The following TYW5 variants were observed in gnomAD, a reference collection of about 807,000 sequenced individuals.
TYW5 encodes tRNA wybutosine-synthesizing protein 5.
In TYW5, 36 loss-of-function variants were observed where a neutral mutation model predicts 44.4. That is an observed-to-expected ratio of 0.81 (90% CI 0.62 to 1.07). TYW5 has a LOEUF of 1.07. Ranked by LOEUF, TYW5 falls within the 50% of genes least tolerant of loss-of-function variation. TYW5 has a pLI of 0.00. For missense variants in TYW5, 354 were observed against 365.7 expected, an observed-to-expected ratio of 0.97 and a Z score of 0.26; for synonymous variants, 121 against 128.1, an observed-to-expected ratio of 0.94 and a Z score of 0.37.
At chr2:199,939,165 T>G (rs1242723511) in intron 4 of TYW5, 95 bp from the exon 5 acceptor site, 3 of 1,136,936 alleles carry the variant, frequency 2.6e-6, no homozygotes, top group Non-Finnish European at 3.6e-6. Flanking sequence ...TTTAAAATAC[T>G]ATGATGTGAC....
Position 199,938,915 on chromosome 2 carries a change from C to T in TYW5, c.486+18G>A, listed in dbSNP as rs765886042. 1.6e-5 allele frequency: 25 copies of T among 1,571,874 alleles called. No homozygotes were observed. Among genetic ancestry groups the T allele is most frequent in the Non-Finnish European group, 2.1e-5 (24 of 1,163,432 alleles). On this transcript the variant is annotated intron_variant, in intron 5 of 7. Coordinates refer to ENST00000354611, the MANE Select transcript of TYW5 (RefSeq NM_001039693.3). ...AAAGATCTATTGTAGCTTTAAATTTCTCATTTATGTAGCATACATCATAAT... is the reference window on the plus strand; with the variant it reads ...AAAGATCTATTGTAGCTTTAAATTTTTCATTTATGTAGCATACATCATAAT...
chr2:199,949,111 AC>A (rs1409779998), intron 1 of TYW5, among the ~76,000 whole-genome samples: 1 of 151,994 alleles, frequency 6.6e-6, no homozygotes, highest in African/African-American at 2.4e-5. Context: ...TAATCCCAAC[AC>A]TTTGGGAGGC....
At chr2:199,938,107 C>G (rs1397535684) in intron 5 of TYW5, among the ~76,000 whole-genome samples, 2 of 151,838 alleles carry the variant, frequency 1.3e-5, no homozygotes, top group Non-Finnish European at 1.5e-5. Flanking sequence ...TTCTGTCGCC[C>G]AGGCTGGAGT....
At chr2:199,938,127 C>G (rs1198130304) in intron 5 of TYW5, among the ~76,000 whole-genome samples, 1 of 151,158 alleles carries the variant, frequency 6.6e-6, no homozygotes, top group African/African-American at 2.4e-5. Context: ...TGCAACGGTG[C>G]GATCTCGGCT....
intron 1 of TYW5, among the ~76,000 whole-genome samples, chr2:199,949,787 C>T (rs1369282942): frequency 6.6e-6 from 1 of 152,122 alleles, no homozygotes; most frequent in East Asian, 1.9e-4. Context: ...TTCTAAACTC[C>T]ATCATTTCTT....
chr2:199,953,528 T>C (rs1027102895), intron 1 of TYW5, among the ~76,000 whole-genome samples: 1 of 152,196 alleles, frequency 6.6e-6, no homozygotes, highest in African/African-American at 2.4e-5. Context: ...AAAAGTCATT[T>C]TGTGCCTTAT....
chr2:199,938,472 CA>C (rs1197263252), intron 5 of TYW5, among the ~76,000 whole-genome samples: 1 of 152,160 alleles, frequency 6.6e-6, no homozygotes, highest in Admixed American at 6.5e-5. Context: ...CAAATTCTTA[CA>C]ATTGGTAATG....
chr2:199,948,609 A>C (rs987709047), intron 1 of TYW5, 137 bp from the exon 2 acceptor site: 1 of 764,366 alleles, frequency 1.3e-6, no homozygotes, highest in African/African-American at 1.8e-5. Flanking sequence ...AGCTTCTGAC[A>C]GTTCATGCTG....
chr2:199,939,208 C>T (rs192918495), intron 4 of TYW5, 138 bp from the exon 5 acceptor site: 32,693 of 703,586 alleles, frequency 0.046, 1,055 homozygotes, highest in Non-Finnish European at 0.06. Context: ...CTCTCTCTAT[C>T]TTTCTCTCTC....
At chr2:199,955,238 C>G (rs556497129) in intron 1 of TYW5, 155 bp downstream of exon 1, 3 of 777,780 alleles carry the variant, frequency 3.9e-6, no homozygotes, top group South Asian at 3.9e-5. Flanking sequence ...CCCCGTGCAC[C>G]TTTCCCTTGG....
At chr2:199,935,719 AACACACACACAC>A (rs142361195) in intron 7 of TYW5, among the ~76,000 whole-genome samples, 200 bp downstream of exon 7, 69,532 of 137,974 alleles carry the variant, frequency 0.5, 17,675 homozygotes, top group African/African-American at 0.61. Flanking sequence ...GCCTGCTTTA[AACACACACACAC>A]ACACACACAC....
intron 1 of TYW5, among the ~76,000 whole-genome samples, chr2:199,952,646 G>A (rs1485218988): frequency 6.6e-6 from 1 of 152,038 alleles, no homozygotes; most frequent in Non-Finnish European, 1.5e-5. Context: ...AGTGTTTCTG[G>A]CATACAAATG....
chr2:199,934,274 T>A (rs2077402351), intron 7 of TYW5, among the ~76,000 whole-genome samples: 1 of 152,056 alleles, frequency 6.6e-6, no homozygotes, highest in Non-Finnish European at 1.5e-5. Flanking sequence ...AAGAAAATGC[T>A]AACCATTCAG....
chr2:199,941,686 A>G (rs2077465825), intron 3 of TYW5, among the ~76,000 whole-genome samples: 1 of 152,222 alleles, frequency 6.6e-6, no homozygotes, highest in South Asian at 2.1e-4. Flanking sequence ...CAAGATTTAA[A>G]AAATAAAATT....
chr2:199,948,451 C>A lies in TYW5; in HGVS notation c.100G>T (p.Gly34Trp). 1 of 1,614,026 alleles carries A rather than the reference C, an allele frequency of 6.2e-7. No individual in the cohort carries two copies. The highest frequency in any genetic ancestry group is 1.1e-5 in the South Asian group (1 of 91,060). Residue 34 changes from glycine (G) to tryptophan (W), a missense_variant, in exon 2 of 8, where the codon GGG (glycine) becomes TGG (tryptophan). By Grantham distance (184) the Gly-to-Trp change is radical. Coordinates refer to ENST00000354611, the MANE Select transcript of TYW5 (RefSeq NM_001039693.3). ...CTTGTACATGGCCCCAAATCAATCCCTTCCAACACAAGAGGTTTTCTCTGT... is the reference window on the plus strand; with the variant it reads ...CTTGTACATGGCCCCAAATCAATCCATTCCAACACAAGAGGTTTTCTCTGT... ...YPQRKPLVLEGIDLGPCTSKW... is the reference protein window; with the variant it reads ...YPQRKPLVLEWIDLGPCTSKW...
chr2:199,951,485 AAT>A (rs1158112294), intron 1 of TYW5, among the ~76,000 whole-genome samples: 1 of 152,190 alleles, frequency 6.6e-6, no homozygotes, highest in African/African-American at 2.4e-5. Context: ...ATGACTTTAG[AAT>A]GTAAAACATC....
intron 1 of TYW5, among the ~76,000 whole-genome samples, chr2:199,951,972 G>A (rs904835500): frequency 2.6e-5 from 4 of 151,278 alleles, no homozygotes; most frequent in African/African-American, 9.7e-5. Context: ...AGCTGAGATC[G>A]TGCCACTGCA....
chr2:199,935,819 C>T (rs906284476), intron 7 of TYW5, 112 bp downstream of exon 7: 41 of 696,772 alleles, frequency 5.9e-5, no homozygotes, highest in Non-Finnish European at 8.5e-5. Flanking sequence ...TGTATAGGAC[C>T]GGATACATAT....
chr2:199,951,409 T>C (rs999658292), intron 1 of TYW5, among the ~76,000 whole-genome samples: 3 of 152,230 alleles, frequency 2.0e-5, no homozygotes, highest in African/African-American at 7.2e-5. Flanking sequence ...ATTCATGTGT[T>C]ACTTTTTATA....
Sources: gnomAD v4.1 joint callset for allele counts (sites outside exome capture counted in the v4.1 genomes callset) on GRCh38, gnomAD v4.1.1 for gene constraint, MANE v1.5 for transcripts, NCBI Gene and HGNC (gene_info 2026-07-23, HGNC 2026-07-21) for gene names.